Variants in FLI1 observed in about 807,000 individuals in gnomAD.
FLI1 encodes Friend leukemia integration 1 transcription factor.
Under a neutral mutation model 53.1 loss-of-function variants are expected in FLI1, and 13 were observed. The observed-to-expected ratio is 0.24, with a 90% CI of 0.16 to 0.39. FLI1 has a LOEUF of 0.39. Ranked by LOEUF, FLI1 falls within the 10% of genes least tolerant of loss-of-function variation. The probability of loss-of-function intolerance (pLI) is 1.00; values close to 1 mark genes in which losing one functional copy is unlikely to be tolerated. For synonymous variants in FLI1, 244 were observed against 236.7 expected, an observed-to-expected ratio of 1.03 and a Z score of -0.28; for missense variants, 424 against 600.5, an observed-to-expected ratio of 0.71 and a Z score of 3.07.
intron 1 of FLI1, among the ~76,000 whole-genome samples, chr11:128,754,916 A>G (rs2155135): frequency 0.058 from 8,770 of 152,296 alleles, 442 homozygotes; most frequent in East Asian, 0.28. Context: ...TTCTTAAGGA[A>G]ACTTCTATTC....
chr11:128,757,044 T>TTCTCTTTCTTTC (rs1940894821), intron 1 of FLI1, among the ~76,000 whole-genome samples: 1 of 107,028 alleles, frequency 9.3e-6, no homozygotes, highest in Admixed American at 1.0e-4. Context: ...CTAGCTAATT[T>TTCTCTTTCTTTC]TTTCTTTCTT....
chr11:128,725,112 G>A (rs1226244016), intron 1 of FLI1, among the ~76,000 whole-genome samples: 1 of 152,204 alleles, frequency 6.6e-6, no homozygotes, highest in East Asian at 1.9e-4. Flanking sequence ...GGATGTGTGA[G>A]GGTGAGGGGA....
In FLI1 at chr11:128,768,173, G is replaced by C; in HGVS notation, c.286G>C (p.Glu96Gln). 1 of 1,613,810 alleles carries C rather than the reference G, an allele frequency of 6.2e-7. No homozygotes were observed. Among genetic ancestry groups the C allele is most frequent in the Non-Finnish European group, 8.5e-7 (1 of 1,179,818 alleles). The change falls in exon 3 of 9, where the codon GAG becomes CAG. Residue 96 changes from glutamate to glutamine, a missense_variant. Transcript: ENST00000527786. Reference sequence around the variant, plus strand: ...ATGCAGCAAGCTGGTGGGCGGAGGCGAGTCCAACCCCATGAACTACAACAG... The same window carrying C: ...ATGCAGCAAGCTGGTGGGCGGAGGCCAGTCCAACCCCATGAACTACAACAG... Reference protein sequence around the residue: ...SKCSKLVGGGESNPMNYNSYM... With the variant: ...SKCSKLVGGGQSNPMNYNSYM...
chr11:128,757,052 CTTTCTTTCTTTCTT>C (rs1940902794), intron 1 of FLI1, among the ~76,000 whole-genome samples: 6 of 93,404 alleles, frequency 6.4e-5, no homozygotes, highest in African/African-American at 2.7e-4. Context: ...TTTTTTCTTT[CTTTCTTTCTTTCTT>C]TCTTTCTTTC....
chr11:128,712,983 G>A (rs757366927), intron 1 of FLI1, among the ~76,000 whole-genome samples: 2 of 152,190 alleles, frequency 1.3e-5, no homozygotes, highest in Non-Finnish European at 2.9e-5. Flanking sequence ...CTTCATTACT[G>A]AGGTCTCGCT....
At chr11:128,776,958 A>G (rs1041838309) in intron 4 of FLI1, among the ~76,000 whole-genome samples, 20 of 151,860 alleles carry the variant, frequency 1.3e-4, no homozygotes, top group Non-Finnish European at 3.0e-4. Context: ...GTACCAAGAG[A>G]TAAATGCTTT....
intron 1 of FLI1, among the ~76,000 whole-genome samples, chr11:128,757,412 A>G (rs1384117126): frequency 2.0e-5 from 3 of 152,138 alleles, no homozygotes; most frequent in East Asian, 1.9e-4. Context: ...AGTCATCAAC[A>G]TTGAGATCTA....
upstream of FLI1, chr11:128,693,882 G>A (rs142892110): frequency 8.2e-5 from 2 of 24,372 alleles, no homozygotes; most frequent in African/African-American, 6.2e-4. Context: ...GAGGGGGTGT[G>A]GGGGGGGAGG....
chr11:128,691,132 G>A (rs1937723269), upstream of FLI1, among the ~76,000 whole-genome samples: 1 of 152,178 alleles, frequency 6.6e-6, no homozygotes, highest in African/African-American at 2.4e-5. Context: ...CTATCAATTT[G>A]TCTCAATGCA....
At chr11:128,768,093 T>C in intron 2 of FLI1, 25 bp from the exon 3 acceptor site, 1 of 1,592,828 alleles carries the variant, frequency 6.3e-7, no homozygotes, top group Non-Finnish European at 8.6e-7. Context: ...TGACCGCCTC[T>C]GGGCTTTGTC....
chr11:128,711,989 A>G (rs950423567), intron 1 of FLI1, among the ~76,000 whole-genome samples: 1 of 152,262 alleles, frequency 6.6e-6, no homozygotes, highest in African/African-American at 2.4e-5. Context: ...TTTCTCTCCA[A>G]TGAGTATTCC....
At chr11:128,743,718 C>A (rs547472817) in intron 1 of FLI1, among the ~76,000 whole-genome samples, 3 of 146,960 alleles carry the variant, frequency 2.0e-5, no homozygotes, top group African/African-American at 7.4e-5. Context: ...GTAACTAAAC[C>A]AGTCCCAAGC....
At chr11:128,721,528 G>A (rs956167659) in intron 1 of FLI1, among the ~76,000 whole-genome samples, 1 of 152,154 alleles carries the variant, frequency 6.6e-6, no homozygotes, top group Non-Finnish European at 1.5e-5. Context: ...CCTCAAGCAT[G>A]GTTCAGTCTC....
intron 7 of FLI1, among the ~76,000 whole-genome samples, chr11:128,807,852 C>T (rs1018795638): frequency 2.0e-5 from 3 of 152,150 alleles, no homozygotes; most frequent in South Asian, 2.1e-4. Flanking sequence ...TCCACTCAAG[C>T]TTTTCCTTCT....
At chr11:128,762,774 TG>T (rs1490260904) in intron 2 of FLI1, among the ~76,000 whole-genome samples, 5 of 152,074 alleles carry the variant, frequency 3.3e-5, no homozygotes, top group African/African-American at 1.2e-4. Flanking sequence ...CTGGCCAACA[TG>T]GTGAAACCCT....
intron 5 of FLI1, among the ~76,000 whole-genome samples, chr11:128,784,262 C>CTG (rs1565498648): frequency 9.0e-6 from 1 of 111,610 alleles, no homozygotes; most frequent in Non-Finnish European, 1.8e-5. Flanking sequence ...TCCTCCTCCT[C>CTG]CTCCTCCTGC....
chr11:128,712,140 A>G (rs1938805460), intron 1 of FLI1, among the ~76,000 whole-genome samples: 1 of 152,312 alleles, frequency 6.6e-6, no homozygotes. Context: ...AATTAGTGTC[A>G]TCTCTGGGCG....
At chr11:128,728,562 T>A (rs1939570606) in intron 1 of FLI1, among the ~76,000 whole-genome samples, 1 of 152,256 alleles carries the variant, frequency 6.6e-6, no homozygotes, top group African/African-American at 2.4e-5. Context: ...AGGCAGGTTC[T>A]ATGCCTTCTC....
At chr11:128,787,866 G>A (rs1942141495) in intron 5 of FLI1, among the ~76,000 whole-genome samples, 1 of 149,704 alleles carries the variant, frequency 6.7e-6, no homozygotes, top group Non-Finnish European at 1.5e-5. Flanking sequence ...GAGTGCGGTG[G>A]CGTGATCTCG....
Sources: gnomAD v4.1 joint callset for allele counts (sites outside exome capture counted in the v4.1 genomes callset) on GRCh38, gnomAD v4.1.1 for gene constraint, MANE v1.5 for transcripts, NCBI Gene and HGNC (gene_info 2026-07-23, HGNC 2026-07-21) for gene names.